Variants in ABTB2 observed in about 807,000 individuals in gnomAD.
ABTB2 encodes ankyrin repeat and BTB/POZ domain-containing protein 2.
ABTB2 carries 56 observed loss-of-function variants against 104.1 expected under a neutral mutation model. The observed-to-expected ratio is 0.54, with a 90% CI of 0.43 to 0.67. ABTB2 has a LOEUF of 0.67. ABTB2 is among the 30% of genes least tolerant of loss of function. ABTB2 has a pLI of 0.00. For synonymous variants in ABTB2, 606 were observed against 608.2 expected (o/e 1.00, Z 0.05); for missense variants, 1,279 against 1,407.7 (o/e 0.91, Z 1.46).
chr11:34,262,925 G>A lies in ABTB2; in HGVS notation c.884-58235C>T, dbSNP rs76427533. On this transcript the variant is annotated intron_variant, in intron 1 of 16. Transcript: ENST00000435224. ...GAAATTGGACAAAGGAGAAGGACCC[G>A]GCAAAACATGTCATCATGCCAGGAA... Among the ~76,000 whole-genome samples the A allele has an allele frequency of 5.5e-3, 830 of 152,206 alleles. 4 individuals are homozygous for A. Among genetic ancestry groups the A allele is most frequent in the African/African-American group, 0.019 (801 of 41,518 alleles).
rs528740167 is a variant in ABTB2 at position 34,212,851 on chromosome 11, T to C, written c.884-8161A>G. Among the ~76,000 whole-genome samples, 8 of 152,296 alleles carry C rather than the reference T, an allele frequency of 5.3e-5. No homozygotes were observed. The South Asian group carries it at 1.7e-3, about 32-fold the overall frequency. On this transcript the variant is annotated intron_variant, in intron 1 of 16. Coordinates refer to ENST00000435224, the MANE Select transcript of ABTB2 (RefSeq NM_145804.3). The stretch of plus-strand genomic sequence containing the variant: ...GAAGTCAGGCCCGGGGCCCAGGAGC[T>C]CACTGTTAAACAGTAAAATAATAAC...
At chr11:34,169,822 G>A (rs1852845566) in intron 5 of ABTB2, among the ~76,000 whole-genome samples, 1 of 151,766 alleles carries the variant, frequency 6.6e-6, no homozygotes, top group African/African-American at 2.4e-5. Flanking sequence ...ACTCCTCTCT[G>A]CTCCGTCCCC....
intron 1 of ABTB2, among the ~76,000 whole-genome samples, chr11:34,219,478 G>A (rs1853589128): frequency 6.6e-6 from 1 of 151,936 alleles, no homozygotes; most frequent in African/African-American, 2.4e-5. Flanking sequence ...AGAAGGTTGA[G>A]GCTACAGTGA....
chr11:34,249,834 C>A (rs1428613609), intron 1 of ABTB2, among the ~76,000 whole-genome samples: 1 of 152,188 alleles, frequency 6.6e-6, no homozygotes, highest in Non-Finnish European at 1.5e-5. Context: ...GCATCCATCA[C>A]TCTATAACAT....
chr11:34,227,502 A>C (rs1853703342), intron 1 of ABTB2, among the ~76,000 whole-genome samples: 2 of 152,180 alleles, frequency 1.3e-5, no homozygotes. Context: ...ATGTTGTAGC[A>C]TGTATCAGTA....
In ABTB2 at chr11:34,342,024, G is replaced by A. The variant is rs191354461; in HGVS notation, c.883+14677C>T. Among the ~76,000 whole-genome samples, 23 of 152,200 alleles carry A rather than the reference G, an allele frequency of 1.5e-4. No individual in the cohort carries two copies. In the East Asian group the frequency reaches 3.7e-3, roughly 24 times the overall value. ...TATGATGACACAAGGACTCAAACACGGTAGAAAGAAAAAGCCAGAAGGGTA... is the reference window on the plus strand; with the variant it reads ...TATGATGACACAAGGACTCAAACACAGTAGAAAGAAAAAGCCAGAAGGGTA... On this transcript the variant is annotated intron_variant, in intron 1 of 16. Coordinates refer to ENST00000435224, the MANE Select transcript of ABTB2 (RefSeq NM_145804.3).
intron 1 of ABTB2, among the ~76,000 whole-genome samples, chr11:34,271,474 C>T (rs193294664): frequency 6.6e-6 from 1 of 152,232 alleles, no homozygotes; most frequent in Non-Finnish European, 1.5e-5. Context: ...AGTGGTGGCT[C>T]ATGCCTGTAA....
chr11:34,152,258 G>A lies in ABTB2; in HGVS notation c.*129C>T. ...GAGGGTGAGCTGCCCGGTGACAGGG[G>A]GGACATCTGGGGGAGGAGGAGGAAA... On this transcript the variant is annotated 3_prime_UTR_variant, in exon 17 of 17. Transcript: ENST00000435224. 1 of 1,020,086 alleles carries A rather than the reference G, an allele frequency of 9.8e-7. No individual in the cohort carries two copies. Among genetic ancestry groups the A allele is most frequent in the Admixed American group, 2.4e-5 (1 of 40,864 alleles). 63.2% of individuals were successfully genotyped at this position (1,020,086 alleles called of 1,614,324 possible). A position where few individuals can be genotyped will look rare whatever the true frequency, so the allele number is the denominator to read the frequency against.
rs917047532 is a variant in ABTB2 at position 34,356,101 on chromosome 11, A to G, written c.883+600T>C. ...TCCCCAGGTTTCATCATTCCTGGGC[A>G]CATATAGGTAAGAGCGAACCACTAC... is the stretch of plus-strand genomic sequence containing the variant. On this transcript the variant is annotated intron_variant, in intron 1 of 16. Transcript: ENST00000435224. This position sits in a 1 kb window ranked among gnomAD's most constrained non-coding sequence, Gnocchi z 4.6. 6.6e-6 allele frequency among the ~76,000 whole-genome samples: 1 copy of G among 152,156 alleles called. No individual in the cohort carries two copies. Among genetic ancestry groups the G allele is most frequent in the Non-Finnish European group, 1.5e-5 (1 of 68,024 alleles).
chr11:34,267,028 C>T (rs1220327711), intron 1 of ABTB2, among the ~76,000 whole-genome samples: 2 of 14,678 alleles, frequency 1.4e-4, no homozygotes, highest in Non-Finnish European at 1.3e-4. Context: ...GAGGGAGGGG[C>T]GGGGCGGGGA....
At chr11:34,354,299 A>AG (rs368850296) in intron 1 of ABTB2, among the ~76,000 whole-genome samples, 55 of 152,102 alleles carry the variant, frequency 3.6e-4, no homozygotes, top group African/African-American at 1.3e-3. Context: ...TTGTTTGGAA[A>AG]GGGGGGGCAA....
At chr11:34,172,726 C>T (rs1372502024) in intron 4 of ABTB2, among the ~76,000 whole-genome samples, 1 of 152,134 alleles carries the variant, frequency 6.6e-6, no homozygotes, top group Non-Finnish European at 1.5e-5. Flanking sequence ...CTCTTCCCTG[C>T]ACTTGTCATG....
intron 16 of ABTB2, among the ~76,000 whole-genome samples, chr11:34,153,854 T>A (rs1047491973): frequency 3.3e-5 from 5 of 152,174 alleles, no homozygotes; most frequent in African/African-American, 1.2e-4. Flanking sequence ...TCAAATATGA[T>A]TCCTGAGTTT....
rs78960051 is a variant in ABTB2 at position 34,223,918 on chromosome 11, A to G, written c.884-19228T>C. On this transcript the variant is annotated intron_variant, in intron 1 of 16. Transcript: ENST00000435224. Reference sequence around the variant, plus strand: ...GTAAACCCAGCTCCAGTCTCAGCCTATTCACTACCCTCTTAAATCCAGGAG... The same window carrying G: ...GTAAACCCAGCTCCAGTCTCAGCCTGTTCACTACCCTCTTAAATCCAGGAG... 6.7e-3 allele frequency among the ~76,000 whole-genome samples: 1,017 copies of G among 152,184 alleles called. 13 individuals carry two copies. Among genetic ancestry groups the G allele is most frequent in the African/African-American group, 0.023 (939 of 41,518 alleles).
In ABTB2 at chr11:34,214,937, G is replaced by T. The variant is rs184795422; in HGVS notation, c.884-10247C>A. Among the ~76,000 whole-genome samples the T allele has an allele frequency of 8.5e-5, 13 of 152,210 alleles. No homozygotes were observed. The East Asian group carries it at 2.3e-3, about 27-fold the overall frequency. On this transcript the variant is annotated intron_variant, in intron 1 of 16. Transcript: ENST00000435224. Reference sequence around the variant, plus strand: ...GGTACTGCTTTTGGAAGAAACTCAGGGAGAACCCATTCTAAATTGCTAACC... The same window carrying T: ...GGTACTGCTTTTGGAAGAAACTCAGTGAGAACCCATTCTAAATTGCTAACC...
chr11:34,242,266 C>G (rs2133063796), intron 1 of ABTB2, among the ~76,000 whole-genome samples: 1 of 152,300 alleles, frequency 6.6e-6, no homozygotes, highest in Middle Eastern at 3.4e-3. Context: ...TGATCTAAGG[C>G]CTTATCACTG....
intron 3 of ABTB2, among the ~76,000 whole-genome samples, chr11:34,174,371 T>G (rs1852934712): frequency 6.7e-6 from 1 of 150,040 alleles, no homozygotes; most frequent in Non-Finnish European, 1.5e-5. Context: ...GAGTAGCGGC[T>G]TCAAGTCCCA....
chr11:34,267,877 C>T (rs1854269042), intron 1 of ABTB2, among the ~76,000 whole-genome samples: 1 of 152,196 alleles, frequency 6.6e-6, no homozygotes, highest in Non-Finnish European at 1.5e-5. Context: ...AGAGTTCACT[C>T]CTCTTCAATT....
Position 34,237,493 on chromosome 11 carries a change from A to G in ABTB2, c.884-32803T>C, listed in dbSNP as rs77711462. Among the ~76,000 whole-genome samples the G allele has an allele frequency of 5.1e-3, 781 of 152,152 alleles. 11 individuals carry two copies. The highest frequency in any genetic ancestry group is 0.018 in the African/African-American group (755 of 41,508). ...TGTTTTCCTGTTATCTCCATAAATG[A>G]ATTTGCCAGATTTATGATTATGATC... On this transcript the variant is annotated intron_variant, in intron 1 of 16. Coordinates refer to ENST00000435224, the MANE Select transcript of ABTB2 (RefSeq NM_145804.3).
Sources: gnomAD v4.1 joint callset for allele counts (sites outside exome capture counted in the v4.1 genomes callset) on GRCh38, gnomAD v4.1.1 for gene constraint, Gnocchi (gnomAD v3.1) non-coding constraint, MANE v1.5 for transcripts, NCBI Gene and HGNC (gene_info 2026-07-23, HGNC 2026-07-21) for gene names.